PLEKHG5: variants seen among roughly 807,000 people sequenced by gnomAD.
PLEKHG5 encodes pleckstrin homology and RhoGEF domain containing G5.
Under a neutral mutation model 103.8 loss-of-function variants are expected in PLEKHG5, and 52 were observed. That is an observed-to-expected ratio of 0.50 (90% CI 0.40 to 0.63). PLEKHG5 has a LOEUF of 0.63. Ranked by LOEUF, PLEKHG5 falls within the 30% of genes least tolerant of loss-of-function variation. The pLI is 0.00. For missense variants in PLEKHG5, 1,205 were observed against 1,347.6 expected, an observed-to-expected ratio of 0.89 and a Z score of 1.66; for synonymous variants, 592 against 575.5, an observed-to-expected ratio of 1.03 and a Z score of -0.41.
chr1:6,472,405 A>C, intron 10 of PLEKHG5, 122 bp downstream of exon 10: 3 of 772,532 alleles, frequency 3.9e-6, no homozygotes, highest in Non-Finnish European at 6.7e-6. Context: ...CCCTTGTCTG[A>C]CTTTCCTGCC....
At chr1:6,492,669 C>T (rs1370209788), upstream of PLEKHG5, among the ~76,000 whole-genome samples, 1 of 152,142 alleles carries the variant, frequency 6.6e-6, no homozygotes, top group Admixed American at 6.5e-5. Flanking sequence ...TTTTAATCCT[C>T]GCTGCCGGGT....
chr1:6,500,065 G>A (rs1180062801), upstream of PLEKHG5, among the ~76,000 whole-genome samples: 1 of 152,172 alleles, frequency 6.6e-6, no homozygotes, highest in African/African-American at 2.4e-5. Flanking sequence ...GCCTCCTAAA[G>A]TGCTGAGATT....
intron 19 of PLEKHG5, 120 bp downstream of exon 19, chr1:6,468,922 T>C: frequency 1.1e-6 from 1 of 880,180 alleles, no homozygotes; most frequent in East Asian, 2.6e-5. Flanking sequence ...AGAGCCCCGC[T>C]CCCACAGTGT....
intron 1 of PLEKHG5, among the ~76,000 whole-genome samples, chr1:6,508,614 A>G (rs6692157): frequency 0.82 from 124,652 of 152,222 alleles, 51,177 homozygotes; most frequent in East Asian, 0.98. Context: ...GGGTCTGGGG[A>G]AAACCAGGAA....
At chr1:6,495,568 G>A (rs1645212365), upstream of PLEKHG5, among the ~76,000 whole-genome samples, 1 of 152,206 alleles carries the variant, frequency 6.6e-6, no homozygotes, top group African/African-American at 2.4e-5. Flanking sequence ...GTCTGTCCCT[G>A]AGTGAGCCTC....
At chr1:6,497,468 CCCGCCTCGGGGG>C (rs1398713142), upstream of PLEKHG5, 1 of 269,732 alleles carries the variant, frequency 3.7e-6, no homozygotes, top group Admixed American at 6.6e-5. This position sits in a 1 kb window ranked among gnomAD's most constrained non-coding sequence, Gnocchi z 6.1. Flanking sequence ...CCGCGGCGGC[CCCGCCTCGGGGG>C]CGGGGGGCGG....
At chr1:6,513,818 GA>G (rs2148638731) in intron 1 of PLEKHG5, among the ~76,000 whole-genome samples, 1 of 152,344 alleles carries the variant, frequency 6.6e-6, no homozygotes, top group South Asian at 2.1e-4. Flanking sequence ...GGCTGCCTCG[GA>G]TGGGCCTTGT....
In PLEKHG5 at chr1:6,477,639, C is replaced by T. The variant is rs914256246; in HGVS notation, c.-68G>A. ...GGGCCCCCGGCGGTGCAGCTGCTGGCAGTCGGCGTGGTGACATACCTGGGG... is the reference window on the plus strand; with the variant it reads ...GGGCCCCCGGCGGTGCAGCTGCTGGTAGTCGGCGTGGTGACATACCTGGGG... On this transcript the variant is annotated 5_prime_UTR_variant, in exon 2 of 21. Coordinates refer to ENST00000377728, the MANE Select transcript of PLEKHG5 (RefSeq NM_020631.6). 5.6e-6 allele frequency: 9 copies of T among 1,606,256 alleles called. No individual in the cohort carries two copies. Among genetic ancestry groups the T allele is most frequent in the Non-Finnish European group, 7.6e-6 (9 of 1,179,924 alleles).
At chr1:6,516,915 CA>C (rs1638641044) in intron 1 of PLEKHG5, among the ~76,000 whole-genome samples, 1 of 140,296 alleles carries the variant, frequency 7.1e-6, no homozygotes, top group South Asian at 2.3e-4. Flanking sequence ...TACACACACA[CA>C]CACACACACA....
intron 1 of PLEKHG5, 118 bp from the exon 2 acceptor site, chr1:6,477,776 G>A: frequency 9.4e-7 from 1 of 1,060,768 alleles, no homozygotes; most frequent in Non-Finnish European, 1.3e-6. Flanking sequence ...CCAGGGTGAG[G>A]AGACGCCCCC....
intron 1 of PLEKHG5, among the ~76,000 whole-genome samples, chr1:6,517,306 CAAAAAAAA>C (rs779260887): frequency 4.8e-5 from 3 of 62,446 alleles, no homozygotes; most frequent in Non-Finnish European, 1.1e-4. Context: ...GACTCCATCT[CAAAAAAAA>C]AAAAAAAAAA....
chr1:6,505,162 C>G lies in PLEKHG5; in HGVS notation c.-164-8593G>C, dbSNP rs530696912. 1.3e-5 allele frequency among the ~76,000 whole-genome samples: 2 copies of G among 152,270 alleles called. No homozygotes were observed. Among genetic ancestry groups the G allele is most frequent in the East Asian group, 3.9e-4 (2 of 5,182 alleles). The stretch of plus-strand genomic sequence containing the variant: ...GTGCTGGGAGCTGGAGATCAGCGCT[C>G]CGGTAGCTTCTGCGGACCGGACTCA... On this transcript the variant is annotated intron_variant, in intron 1 of 21. Transcript: ENST00000377740. This position sits in a 1 kb window ranked among gnomAD's most constrained non-coding sequence, Gnocchi z 4.2.
At chr1:6,477,840 C>T (rs1644805217) in intron 1 of PLEKHG5, among the ~76,000 whole-genome samples, 182 bp from the exon 2 acceptor site, 1 of 151,396 alleles carries the variant, frequency 6.6e-6, no homozygotes, top group Non-Finnish European at 1.5e-5. Context: ...GGATCATTTC[C>T]CCCACTGCCA....
chr1:6,485,335 C>T, intron 1 of PLEKHG5: 1 of 1,427,586 alleles, frequency 7.0e-7, no homozygotes, highest in Admixed American at 3.0e-5. Context: ...TGGCTATCAC[C>T]GTCGCGGGCA....
chr1:6,469,187 G>A lies in PLEKHG5; in HGVS notation c.2104C>T (p.Gln702Ter), dbSNP rs778387368. 6.2e-7 allele frequency: 1 copy of A among 1,612,564 alleles called. No homozygotes were observed. The highest frequency in any genetic ancestry group is 8.5e-7 in the Non-Finnish European group (1 of 1,179,862). ...TCATCCTCCTCCTCTTCCAGGCTCT[G>A]CAGGGGCTGCTGACTGCCTGGGGGC... is the stretch of plus-strand genomic sequence containing the variant. ...QEPPGSQQPL[Q>*]SLEEEEDEQE... The change falls in exon 19 of 21, where the codon CAG becomes TAG. Residue 702 changes from glutamine (Q) to a stop codon, truncating the protein, a stop_gained. Transcript: ENST00000377728. LOFTEE classifies it high-confidence loss of function.
chr1:6,496,459 C>T (rs1243927724), upstream of PLEKHG5: 2 of 1,525,186 alleles, frequency 1.3e-6, no homozygotes, highest in East Asian at 2.3e-5. Flanking sequence ...GCCCCTCTGC[C>T]CCCGAGGGTC....
chr1:6,473,194 A>G lies in PLEKHG5; in HGVS notation c.796-20T>C, dbSNP rs1344632009. ...TACCTCCTGGAAAGATACCCTGGTC[A>G]GGGTCAGGGGTCATGGCCAGCCAGC... On this transcript the variant is annotated intron_variant, in intron 8 of 20. Coordinates refer to ENST00000377728, the MANE Select transcript of PLEKHG5 (RefSeq NM_020631.6). 10 of 1,613,496 alleles carry G rather than the reference A, an allele frequency of 6.2e-6. No homozygotes were observed. The highest frequency in any genetic ancestry group is 8.5e-6 in the Non-Finnish European group (10 of 1,179,848).
chr1:6,517,306 CAAA>C (rs779260887), intron 1 of PLEKHG5, among the ~76,000 whole-genome samples: 7 of 62,438 alleles, frequency 1.1e-4, no homozygotes, highest in Admixed American at 3.9e-4. Context: ...GACTCCATCT[CAAA>C]AAAAAAAAAA....
rs1257861243 is a variant in PLEKHG5 at position 6,475,534 on chromosome 1, C to T, written c.150-12G>A. 3.3e-5 allele frequency: 53 copies of T among 1,612,350 alleles called. No homozygotes were observed. In the Admixed American group the frequency reaches 5.3e-4, roughly 16 times the overall value. The stretch of plus-strand genomic sequence containing the variant: ...TGCTCTTCCGGTCCCTGCAGGGAAG[C>T]GAGGAGGGCAGAGGCTGGAGGTGTG... On this transcript the variant is annotated splice_polypyrimidine_tract_variant and intron_variant, in intron 3 of 20. Coordinates refer to ENST00000377728, the MANE Select transcript of PLEKHG5 (RefSeq NM_020631.6).
Sources: gnomAD v4.1 joint callset for allele counts (sites outside exome capture counted in the v4.1 genomes callset) on GRCh38, gnomAD v4.1.1 for gene constraint, Gnocchi (gnomAD v3.1) non-coding constraint, MANE v1.5 for transcripts, NCBI Gene and HGNC (gene_info 2026-07-23, HGNC 2026-07-21) for gene names.